The following BBS12 variants were observed in gnomAD, a reference collection of about 807,000 sequenced individuals.
BBS12 encodes the protein Bardet-Biedl syndrome 12, also known as chaperonin-containing T-complex member BBS12.
Under a neutral mutation model 5.6 loss-of-function variants are expected in BBS12, and 5 were observed. That is an observed-to-expected ratio of 0.89 (90% confidence interval 0.46 to 1.86). The LOEUF (loss-of-function observed/expected upper bound fraction) is 1.86, where lower values mean the gene tolerates loss of function less well. BBS12 is among the 40% of genes most tolerant of loss of function. The pLI is 0.01. For synonymous variants in BBS12, 308 were observed against 306.8 expected (o/e 1.00, Z -0.04); for missense variants, 748 against 830.4 (o/e 0.90, Z 1.22).
the BBS12 span, among the ~76,000 whole-genome samples, chr4:122,705,190 A>G: frequency 6.6e-6 from 1 of 152,238 alleles, no homozygotes; most frequent in Non-Finnish European, 1.5e-5. Context: ...CTACCTGGAT[A>G]CATAACTTGA....
chr4:122,732,139 C>T (rs1433742782), upstream of BBS12: 1 of 152,156 alleles, frequency 6.6e-6, no homozygotes, highest in Non-Finnish European at 1.5e-5. Flanking sequence ...TCATTCAGTT[C>T]AATTTTTGCT....
upstream of BBS12, chr4:122,729,368 T>C (rs1263964591): frequency 6.6e-6 from 1 of 152,266 alleles, no homozygotes; most frequent in East Asian, 1.9e-4. Context: ...AAAGACTGTA[T>C]GTATGAGATT....
At chr4:122,735,874 A>G (rs973372502) in intron 1 of BBS12, among the ~76,000 whole-genome samples, 1 of 152,198 alleles carries the variant, frequency 6.6e-6, no homozygotes, top group Non-Finnish European at 1.5e-5. Context: ...AAGAAAGTAT[A>G]ACAGATGGAA....
the BBS12 span, among the ~76,000 whole-genome samples, chr4:122,713,629 G>A: frequency 6.6e-6 from 1 of 152,224 alleles, no homozygotes; most frequent in Non-Finnish European, 1.5e-5. Flanking sequence ...TCTATCCTAT[G>A]TCATTGACCT....
chr4:122,714,294 T>C, the BBS12 span, among the ~76,000 whole-genome samples: 1 of 152,258 alleles, frequency 6.6e-6, no homozygotes, highest in East Asian at 1.9e-4. Flanking sequence ...CAGACTTCCG[T>C]CCTCCAGAAC....
chr4:122,705,075 T>G, the BBS12 span, among the ~76,000 whole-genome samples: 3 of 152,228 alleles, frequency 2.0e-5, no homozygotes, highest in South Asian at 6.2e-4. Context: ...ACATCTGCTC[T>G]CACCATAAGA....
At chr4:122,738,688 TA>T (rs1207715568) in intron 1 of BBS12, among the ~76,000 whole-genome samples, 2 of 152,174 alleles carry the variant, frequency 1.3e-5, no homozygotes, top group Non-Finnish European at 2.9e-5. Context: ...GCTCTATTTT[TA>T]AATGGTCAAA....
At chr4:122,730,299 G>C (rs1800681275), upstream of BBS12, 1 of 152,174 alleles carries the variant, frequency 6.6e-6, no homozygotes, top group African/African-American at 2.4e-5. Context: ...GTTCTCAAAA[G>C]AGCAGCTAGA....
the BBS12 span, among the ~76,000 whole-genome samples, chr4:122,705,987 A>G: frequency 6.6e-6 from 1 of 152,208 alleles, no homozygotes; most frequent in African/African-American, 2.4e-5. Context: ...TTCTCCCTTT[A>G]TGCTTTCTCT....
At chr4:122,716,638 TACACACGTGTGTGTATATGCAC>T in the BBS12 span, among the ~76,000 whole-genome samples, 103 of 106,780 alleles carry the variant, frequency 9.6e-4, no homozygotes, top group African/African-American at 2.6e-3. Flanking sequence ...CATATGTATA[TACACACGTGTGTGTATATGCAC>T]ATACACATAT....
chr4:122,705,607 G>C, the BBS12 span, among the ~76,000 whole-genome samples: 1 of 152,174 alleles, frequency 6.6e-6, no homozygotes, highest in African/African-American at 2.4e-5. Flanking sequence ...ATTAATCCTA[G>C]TTTGTATTAT....
chr4:122,701,734 C>T, the BBS12 span, among the ~76,000 whole-genome samples: 2 of 152,098 alleles, frequency 1.3e-5, no homozygotes, highest in Non-Finnish European at 2.9e-5. Context: ...AGTTTTGAAC[C>T]AAGATAAGCC....
chr4:122,708,044 C>G, the BBS12 span, among the ~76,000 whole-genome samples: 1 of 141,488 alleles, frequency 7.1e-6, no homozygotes, highest in Non-Finnish European at 1.5e-5. Context: ...CAAGGTCCTG[C>G]TCTTTTGCCC....
At chr4:122,739,845 C>G (rs1386877106) in intron 1 of BBS12, among the ~76,000 whole-genome samples, 1 of 152,234 alleles carries the variant, frequency 6.6e-6, no homozygotes, top group Non-Finnish European at 1.5e-5. Flanking sequence ...CATGCCCCCG[C>G]TCCCTTTAAG....
the BBS12 span, among the ~76,000 whole-genome samples, chr4:122,720,774 C>G: frequency 6.6e-6 from 1 of 151,490 alleles, no homozygotes; most frequent in Non-Finnish European, 1.5e-5. Flanking sequence ...ACCACAGAAT[C>G]AAGACACTCT....
At chr4:122,736,156 ATAGT>A (rs1171103061) in intron 1 of BBS12, among the ~76,000 whole-genome samples, 2 of 152,198 alleles carry the variant, frequency 1.3e-5, no homozygotes, top group South Asian at 2.1e-4. Flanking sequence ...AGGACTGCAA[ATAGT>A]TAGGGCATTG....
At chr4:122,726,140 C>T in the BBS12 span, among the ~76,000 whole-genome samples, 1 of 151,874 alleles carries the variant, frequency 6.6e-6, no homozygotes, top group Non-Finnish European at 1.5e-5. Context: ...CACAGACAAC[C>T]GACAGAGTGG....
chr4:122,729,614 C>T (rs370607528), upstream of BBS12: 10 of 152,260 alleles, frequency 6.6e-5, no homozygotes, highest in African/African-American at 2.4e-4. Context: ...GGAGCTAATA[C>T]AATCAGCTTC....
chr4:122,703,477 C>T, the BBS12 span, among the ~76,000 whole-genome samples: 21 of 152,154 alleles, frequency 1.4e-4, no homozygotes, highest in African/African-American at 4.6e-4. Context: ...AGAAGTTTGA[C>T]GTTAGAGTGA....
Sources: gnomAD v4.1 joint callset for allele counts (sites outside exome capture counted in the v4.1 genomes callset) on GRCh38, gnomAD v4.1.1 for gene constraint, MANE v1.5 for transcripts, NCBI Gene and HGNC (gene_info 2026-07-23, HGNC 2026-07-21) for gene names.